CPEB3: variants seen among roughly 807,000 people sequenced by gnomAD.
CPEB3 encodes cytoplasmic polyadenylation element-binding protein 3.
A neutral mutation model predicts 67.2 loss-of-function variants in CPEB3; 20 were observed. The ratio of observed to expected loss-of-function variants is 0.30; its 90% confidence interval spans 0.21 to 0.43. CPEB3 has a LOEUF of 0.43. CPEB3 is among the 20% of genes least tolerant of loss of function. CPEB3 has a pLI of 1.00. For synonymous variants in CPEB3, 376 were observed against 393.1 expected (o/e 0.96, Z 0.51); for missense variants, 746 against 968.6 (o/e 0.77, Z 3.05).
rs796662444 is a variant in CPEB3, at chr10:92,200,584, G to A, written c.1006-7948C>T. On this transcript the variant is annotated intron_variant, in intron 2 of 9. Transcript: ENST00000265997. ...AAAAAAAAAAAGATTAGGGCATACA[G>A]AGAAATTATAGATTCCTCATCTTTT... is the stretch of plus-strand genomic sequence containing the variant. 8.0e-4 allele frequency among the ~76,000 whole-genome samples: 116 copies of A among 144,736 alleles called. 1 individual carries two copies. Among genetic ancestry groups the A allele is most frequent in the African/African-American group, 2.9e-3 (113 of 39,176 alleles). 95.0% of individuals were successfully genotyped at this position (144,736 alleles called of 152,430 possible).
intron 1 of CPEB3, chr10:92,272,008 T>C (rs754162673): frequency 1.3e-5 from 2 of 152,238 alleles, no homozygotes; most frequent in Non-Finnish European, 2.9e-5. Context: ...TATTTATTTC[T>C]ATGGGTCCAT....
chr10:92,279,529 T>C (rs1842162797), intron 1 of CPEB3, among the ~76,000 whole-genome samples: 1 of 152,116 alleles, frequency 6.6e-6, no homozygotes, highest in Non-Finnish European at 1.5e-5. Context: ...ATACTTCACG[T>C]TCATTGTCAT....
intron 6 of CPEB3, among the ~76,000 whole-genome samples, chr10:92,134,195 G>C (rs1003007821): frequency 1.3e-5 from 2 of 152,046 alleles, no homozygotes; most frequent in Admixed American, 6.6e-5. Context: ...AGAAATAAAG[G>C]GTATTCAATT....
At chr10:92,057,303 C>T (rs562092503) in intron 9 of CPEB3, among the ~76,000 whole-genome samples, 3 of 152,332 alleles carry the variant, frequency 2.0e-5, no homozygotes, top group East Asian at 1.9e-4. Context: ...AGGGCCTTAA[C>T]GGCCTGGCAG....
At chr10:92,251,619 T>C (rs1852306048) in intron 1 of CPEB3, among the ~76,000 whole-genome samples, 1 of 152,074 alleles carries the variant, frequency 6.6e-6, no homozygotes, top group Admixed American at 6.6e-5. Flanking sequence ...AATATCCATA[T>C]GGCAAAAAAG....
chr10:92,248,394 C>A (rs1852158388), intron 1 of CPEB3, among the ~76,000 whole-genome samples: 1 of 152,050 alleles, frequency 6.6e-6, no homozygotes, highest in African/African-American at 2.4e-5. Flanking sequence ...GATATGGAAC[C>A]CACAGATAAG....
At chr10:92,203,430 ATATATG>A (rs1005836765) in intron 2 of CPEB3, among the ~76,000 whole-genome samples, 3 of 138,910 alleles carry the variant, frequency 2.2e-5, no homozygotes, top group African/African-American at 6.2e-5. Flanking sequence ...ATATATACGT[ATATATG>A]TATATGTATA....
chr10:92,280,753 CTTTTT>C (rs948586177), intron 1 of CPEB3, among the ~76,000 whole-genome samples: 2 of 91,672 alleles, frequency 2.2e-5, no homozygotes, highest in African/African-American at 1.0e-4. Flanking sequence ...AGCATCTATT[CTTTTT>C]TTTTTTTTTT....
intron 1 of CPEB3, among the ~76,000 whole-genome samples, chr10:92,271,210 A>G (rs1272041895): frequency 2.0e-5 from 3 of 152,218 alleles, no homozygotes; most frequent in African/African-American, 7.2e-5. Context: ...ACACCTTTTC[A>G]TTTTGAAATA....
chr10:92,284,452 C>T (rs1842442713), intron 1 of CPEB3, among the ~76,000 whole-genome samples: 1 of 152,174 alleles, frequency 6.6e-6, no homozygotes, highest in Admixed American at 6.5e-5. Flanking sequence ...CAGCCTTTCA[C>T]TCACTGATAT....
chr10:92,055,575 G>A (rs1842078551), intron 9 of CPEB3, among the ~76,000 whole-genome samples: 1 of 152,006 alleles, frequency 6.6e-6, no homozygotes, highest in Non-Finnish European at 1.5e-5. Context: ...CACTTTTTCT[G>A]TCGGCCCCCT....
At chr10:92,102,319 T>C (rs1844229461) in intron 7 of CPEB3, among the ~76,000 whole-genome samples, 1 of 152,180 alleles carries the variant, frequency 6.6e-6, no homozygotes, top group Non-Finnish European at 1.5e-5. Context: ...TCCCATTCCC[T>C]AGATACAAGT....
chr10:92,275,336 T>C (rs1243359339), intron 1 of CPEB3, among the ~76,000 whole-genome samples: 1 of 152,200 alleles, frequency 6.6e-6, no homozygotes, highest in Non-Finnish European at 1.5e-5. Context: ...CAGGACTCAA[T>C]TAGCTAGACT....
chr10:92,212,787 C>T (rs1487519069), intron 2 of CPEB3, among the ~76,000 whole-genome samples: 1 of 152,016 alleles, frequency 6.6e-6, no homozygotes, highest in Admixed American at 6.6e-5. Flanking sequence ...AAATTAATTT[C>T]AGCCAAGCAT....
chr10:92,110,881 A>G (rs1844703688), intron 7 of CPEB3, among the ~76,000 whole-genome samples, 195 bp downstream of exon 7: 1 of 152,236 alleles, frequency 6.6e-6, no homozygotes, highest in African/African-American at 2.4e-5. Context: ...CACAGTCCCA[A>G]AGGTATAAAA....
intron 2 of CPEB3, among the ~76,000 whole-genome samples, chr10:92,199,182 G>A (rs1392828933): frequency 5.3e-5 from 8 of 151,646 alleles, no homozygotes; most frequent in Non-Finnish European, 7.4e-5. Context: ...ACCTGAGGTC[G>A]GGAGTTCGAG....
chr10:92,162,921 C>G (rs1847562317), intron 4 of CPEB3, among the ~76,000 whole-genome samples: 2 of 152,110 alleles, frequency 1.3e-5, no homozygotes, highest in South Asian at 4.2e-4. Context: ...TTCGTGTACG[C>G]CCCCTAGCCC....
intron 6 of CPEB3, among the ~76,000 whole-genome samples, chr10:92,130,298 T>C (rs1845786814): frequency 6.6e-6 from 1 of 152,068 alleles, no homozygotes; most frequent in South Asian, 2.1e-4. Flanking sequence ...TCAGAGAACT[T>C]ATCAGTTTGT....
intron 4 of CPEB3, among the ~76,000 whole-genome samples, chr10:92,145,522 A>C (rs1846636716): frequency 6.6e-6 from 1 of 151,980 alleles, no homozygotes; most frequent in African/African-American, 2.4e-5. Flanking sequence ...CCAGCTACTC[A>C]GGAGGCTGAG....
Sources: gnomAD v4.1 joint callset for allele counts (sites outside exome capture counted in the v4.1 genomes callset) on GRCh38, gnomAD v4.1.1 for gene constraint, MANE v1.5 for transcripts, NCBI Gene and HGNC (gene_info 2026-07-23, HGNC 2026-07-21) for gene names.